The following SART3 variants were observed in gnomAD, a reference collection of about 807,000 sequenced individuals.
SART3 encodes the protein HIV-1 Tat-interacting protein of 110kDa.
In SART3, 44 loss-of-function variants were observed where a neutral mutation model predicts 122.3. The ratio of observed to expected loss-of-function variants is 0.36; its 90% CI spans 0.28 to 0.46. The LOEUF (loss-of-function observed/expected upper bound fraction) is 0.46, where lower values mean the gene tolerates loss of function less well. Among genes scored for constraint, SART3 ranks in the 20% least tolerant of loss-of-function variants. The pLI is 1.00. For synonymous variants in SART3, 442 were observed against 454.0 expected, an observed-to-expected ratio of 0.97 and a Z score of 0.34; for missense variants, 1,101 against 1,229.0, an observed-to-expected ratio of 0.90 and a Z score of 1.56.
chr12:108,560,149 T>C (rs1043723510), intron 1 of SART3: 3 of 152,286 alleles, frequency 2.0e-5, no homozygotes, highest in African/African-American at 7.2e-5. Context: ...ATACAGTAGA[T>C]ATCACCACCT....
At position 108,532,262 on chromosome 12, in the gene SART3, C is replaced by T; in HGVS notation, c.1629G>A (p.Glu543=). 6.2e-7 allele frequency: 1 copy of T among 1,614,214 alleles called. No individual in the cohort carries two copies. Among genetic ancestry groups the T allele is most frequent in the Non-Finnish European group, 8.5e-7 (1 of 1,180,024 alleles). Residue 543 remains glutamate (E), a synonymous_variant, in exon 13 of 19, where the codon GAG becomes GAA. Transcript: ENST00000546815. ...RAVQCTSDYP[E]HVCEVLLTME... is the part of the protein sequence containing the mutation. ...TGGTGAGTAACACTTCGCAGACGTG[C>T]TCTGGGTAGTCACTGGTGCACTGGA... is the stretch of plus-strand genomic sequence containing the variant.
Position 108,532,278 on chromosome 12 carries a change from G to C in SART3, c.1613C>G (p.Thr538Ser). 1 of 1,614,178 alleles carries C rather than the reference G, an allele frequency of 6.2e-7. No homozygotes were observed. Among genetic ancestry groups the C allele is most frequent in the East Asian group, 2.2e-5 (1 of 44,886 alleles). Residue 538 changes from threonine to serine, a missense_variant, in exon 13 of 19, where the codon ACC (threonine) becomes AGC (serine). By Grantham distance (58) the Thr-to-Ser change is moderately conservative. Coordinates refer to ENST00000546815, the MANE Select transcript of SART3 (RefSeq NM_014706.4). ...GCAGACGTGCTCTGGGTAGTCACTG[G>C]TGCACTGGACGGCCCGGTGCAGAGC... Reference protein sequence around the residue: ...RKALHRAVQCTSDYPEHVCEV... With the variant: ...RKALHRAVQCSSDYPEHVCEV...
At chr12:108,548,983 G>A in intron 2 of SART3, 105 bp downstream of exon 2, 3 of 1,553,428 alleles carry the variant, frequency 1.9e-6, no homozygotes, top group Non-Finnish European at 2.7e-6. Flanking sequence ...CCACTACACT[G>A]AACGTTCCAG....
At position 108,522,810 on chromosome 12, in the gene SART3, G is replaced by A. The variant is rs1008709795; in HGVS notation, c.*647C>T. 1.9e-5 allele frequency: 3 copies of A among 154,124 alleles called. No individual in the cohort carries two copies. The highest frequency in any genetic ancestry group is 4.3e-5 in the Non-Finnish European group (3 of 69,370). 9.5% of individuals were successfully genotyped at this position (154,124 alleles called of 1,614,324 possible). On this transcript the variant is annotated 3_prime_UTR_variant, in exon 19 of 19. Coordinates refer to ENST00000546815, the MANE Select transcript of SART3 (RefSeq NM_014706.4). Reference sequence around the variant, plus strand: ...GACAACACAGGTCACTAGTCACTAGGCAAAGAAAACAGTCCACAGCAGGTG... The same window carrying A: ...GACAACACAGGTCACTAGTCACTAGACAAAGAAAACAGTCCACAGCAGGTG...
intron 15 of SART3, among the ~76,000 whole-genome samples, chr12:108,529,812 A>G (rs963898692): frequency 2.6e-5 from 4 of 152,176 alleles, no homozygotes. Context: ...AGAGTAAAAA[A>G]AAAAAGCTGA....
intron 15 of SART3, among the ~76,000 whole-genome samples, chr12:108,527,281 C>T (rs1421423576): frequency 6.6e-6 from 1 of 152,258 alleles, no homozygotes; most frequent in African/African-American, 2.4e-5. Context: ...CTCTCTAATG[C>T]ATCTGAGTTC....
At chr12:108,525,823 T>C (rs1221780200) in intron 16 of SART3, 1 of 633,534 alleles carries the variant, frequency 1.6e-6, no homozygotes, top group Non-Finnish European at 2.8e-6. Flanking sequence ...AGAATAAAAG[T>C]AACCATTCAC....
intron 15 of SART3, among the ~76,000 whole-genome samples, chr12:108,529,346 GAAC>G (rs1377041267): frequency 2.6e-5 from 4 of 152,078 alleles, no homozygotes; most frequent in African/African-American, 9.7e-5. Flanking sequence ...TCAGGCCTCA[GAAC>G]AATAACCAAC....
At chr12:108,529,403 C>A (rs561840142) in intron 15 of SART3, among the ~76,000 whole-genome samples, 16 of 152,246 alleles carry the variant, frequency 1.1e-4, no homozygotes, top group Non-Finnish European at 2.2e-4. Flanking sequence ...ACTCATCACT[C>A]AAAGGAACCT....
rs1872341516 is a variant in SART3, at chr12:108,525,683, A to T, written c.2371-74T>A. ...CAGCTCACCTGACTCCTCTGACACC[A>T]GCCTTGTCCCCATGAGCAGCCCAGC... On this transcript the variant is annotated intron_variant, in intron 16 of 18. Transcript: ENST00000546815. 7.4e-6 allele frequency: 11 copies of T among 1,496,366 alleles called. No homozygotes were observed. In the South Asian group the frequency reaches 1.1e-4, roughly 15 times the overall value. 92.7% of individuals were successfully genotyped at this position (1,496,366 alleles called of 1,614,324 possible).
chr12:108,544,885 CA>C, intron 4 of SART3: 1 of 585,498 alleles, frequency 1.7e-6, no homozygotes, highest in Non-Finnish European at 3.0e-6. Context: ...CTTTCTACTT[CA>C]AAAAATATCT....
chr12:108,532,756 C>CT (rs80035733), intron 12 of SART3: 2,975 of 179,302 alleles, frequency 0.017, 1 homozygote, highest in South Asian at 0.049. Flanking sequence ...AGAGTCAGAT[C>CT]TTTTTTTTTT....
At chr12:108,527,442 C>G (rs969974772) in intron 15 of SART3, among the ~76,000 whole-genome samples, 6 of 152,232 alleles carry the variant, frequency 3.9e-5, no homozygotes, top group Admixed American at 1.3e-4. Context: ...TCTCTTCCCC[C>G]ACAGTCTTCC....
At chr12:108,536,670 A>G in intron 10 of SART3, 38 bp downstream of exon 10, 1 of 1,611,780 alleles carries the variant, frequency 6.2e-7, no homozygotes. Flanking sequence ...AGACAAGGAA[A>G]TACAACTGGG....
At chr12:108,540,006 C>T (rs1017987441) in intron 6 of SART3, among the ~76,000 whole-genome samples, 3 of 152,074 alleles carry the variant, frequency 2.0e-5, no homozygotes, top group Non-Finnish European at 4.4e-5. Flanking sequence ...GCTGGCTTGA[C>T]GTATATTAAG....
At chr12:108,549,997 G>A (rs550363076) in intron 1 of SART3, among the ~76,000 whole-genome samples, 5 of 118,712 alleles carry the variant, frequency 4.2e-5, no homozygotes, top group African/African-American at 1.6e-4. Context: ...CTGGGTGACA[G>A]AGCAAGACCC....
intron 2 of SART3, 130 bp from the exon 3 acceptor site, chr12:108,548,121 T>G (rs1013613391): frequency 6.4e-6 from 5 of 782,756 alleles, no homozygotes; most frequent in Non-Finnish European, 1.1e-5. Context: ...AGAAATTCAC[T>G]TCTTAAAACC....
In SART3 at chr12:108,524,491, C is replaced by G. The variant is rs956813514; in HGVS notation, c.2539G>C (p.Glu847Gln). Residue 847 changes from glutamate to glutamine, a missense_variant, in exon 18 of 19, where the codon GAG becomes CAG. Coordinates refer to ENST00000546815, the MANE Select transcript of SART3 (RefSeq NM_014706.4). ...AGKPKGLAYV[E>Q]YENESQASQA... ...GACGCCTGGGATTCATTTTCATACT[C>G]CACGTAGGCCAGGCCCTGGAAGAGG... The G allele has an allele frequency of 1.2e-6, 2 of 1,614,176 alleles. No individual in the cohort carries two copies. The highest frequency in any genetic ancestry group is 2.7e-5 in the African/African-American group (2 of 75,038).
At chr12:108,548,340 T>A (rs10459211) in intron 2 of SART3, among the ~76,000 whole-genome samples, 112,816 of 152,214 alleles carry the variant, frequency 0.74, 43,710 homozygotes, top group East Asian at 0.92. Flanking sequence ...TTAAGTGTTA[T>A]ACGTAGAATA....
Sources: allele counts gnomAD v4.1 joint callset (sites outside exome capture counted in the v4.1 genomes callset), GRCh38; gene constraint gnomAD v4.1.1; transcripts MANE v1.5; gene names NCBI Gene and HGNC (gene_info 2026-07-23, HGNC 2026-07-21).